Variants in RBBP8NL observed in about 807,000 individuals in gnomAD.
RBBP8NL encodes RBBP8 N-terminal-like protein.
In RBBP8NL, 59 loss-of-function variants were observed where a neutral mutation model predicts 62.2. The ratio of observed to expected loss-of-function variants is 0.95; its 90% CI spans 0.77 to 1.18. RBBP8NL has a LOEUF of 1.18. Ranked by LOEUF, RBBP8NL falls within the 50% of genes most tolerant of loss-of-function variation. The pLI, the probability that RBBP8NL is intolerant of heterozygous loss-of-function variation, is 0.00. For missense variants in RBBP8NL, 896 were observed against 899.5 expected (o/e 1.00, Z 0.05); for synonymous variants, 412 against 394.1 (o/e 1.05, Z -0.54).
intron 5 of RBBP8NL, among the ~76,000 whole-genome samples, chr20:62,416,445 G>C (rs370144062): frequency 5.9e-5 from 9 of 152,318 alleles, no homozygotes; most frequent in African/African-American, 2.2e-4. Context: ...AGGGAAGGGG[G>C]CTTGCCCTTG....
In RBBP8NL at chr20:62,414,239, C is replaced by A; in HGVS notation, c.1112G>T (p.Gly371Val). 1 of 1,598,194 alleles carries A rather than the reference C, an allele frequency of 6.3e-7. No individual in the cohort carries two copies. The highest frequency in any genetic ancestry group is 8.5e-7 in the Non-Finnish European group (1 of 1,173,622). The change falls in exon 10 of 14, where the codon GGC becomes GTC. Residue 371 changes from glycine (G) to valine (V), a missense_variant. Gly to Val is a moderately radical substitution (Grantham distance 109, BLOSUM62 -3). Coordinates refer to ENST00000252998, the MANE Select transcript of RBBP8NL (RefSeq NM_080833.3). Reference sequence around the variant, plus strand: ...GGGCTGGCCCCTTGGCCTGACACTGCCTGCCCTGGCCCTAGCCCGCAGCTG... The same window carrying A: ...GGGCTGGCCCCTTGGCCTGACACTGACTGCCCTGGCCCTAGCCCGCAGCTG... ...QQQLRARARA[G>V]SVRPRGQPTP... is the part of the protein sequence containing the mutation.
intron 10 of RBBP8NL, 75 bp downstream of exon 10, chr20:62,413,746 T>TC (rs1988489583): frequency 6.7e-7 from 1 of 1,496,230 alleles, no homozygotes; most frequent in Non-Finnish European, 8.9e-7. Flanking sequence ...CAGCCCGAGG[T>TC]CTGGGGGGAG....
At position 62,419,717 on chromosome 20, in the gene RBBP8NL, CCT is replaced by C; in HGVS notation, c.-72_-71del. 2 of 1,521,878 alleles carry C rather than the reference CCT, an allele frequency of 1.3e-6. No homozygotes were observed. The allele number at this position is 1,521,878 out of a possible 1,614,324, so 94.3% of individuals were successfully genotyped here. A position where few individuals can be genotyped will look rare whatever the true frequency, so the allele number is the denominator to read the frequency against. ...GGAGACGCCTGCAGCCTCTACTGCC[CCT>C]CTGTGTCCATCCTGAAGAGGAGGAA... On this transcript the variant is annotated 5_prime_UTR_variant, in exon 2 of 14. The change abolishes the stop of an existing upstream ORF in the 5' untranslated region. Coordinates refer to ENST00000252998, the MANE Select transcript of RBBP8NL (RefSeq NM_080833.3).
intron 4 of RBBP8NL, 80 bp from the exon 5 acceptor site, chr20:62,416,952 T>A: frequency 8.9e-7 from 1 of 1,129,780 alleles, no homozygotes; most frequent in Non-Finnish European, 1.3e-6. Flanking sequence ...GCCCCACTGC[T>A]GGGAAGTGCC....
At chr20:62,417,087 G>T in intron 4 of RBBP8NL, 137 bp downstream of exon 4, 1 of 727,280 alleles carries the variant, frequency 1.4e-6, no homozygotes, top group Non-Finnish European at 2.3e-6. Flanking sequence ...GCTCTGAGAT[G>T]TCCTGCAGTG....
In RBBP8NL at chr20:62,416,388, G is replaced by T. The variant is rs8119619; in HGVS notation, c.314-152C>A. 5,351 of 701,768 alleles carry T rather than the reference G, an allele frequency of 7.6e-3. 189 individuals carry two copies. The African/African-American group carries it at 0.082, about 11-fold the overall frequency. The allele number at this position is 701,768 out of a possible 1,614,324, so 43.5% of individuals were successfully genotyped here. ...AGCAGGGGCGCCGTGGATGCTGGCTGCGTGCATGGCTGATTGGATGCTGTT... is the reference window on the plus strand; with the variant it reads ...AGCAGGGGCGCCGTGGATGCTGGCTTCGTGCATGGCTGATTGGATGCTGTT... On this transcript the variant is annotated intron_variant, in intron 5 of 13. Transcript: ENST00000252998.
chr20:62,421,131 G>A (rs1364736878), intron 1 of RBBP8NL, among the ~76,000 whole-genome samples: 2 of 152,276 alleles, frequency 1.3e-5, no homozygotes, highest in African/African-American at 4.8e-5. Context: ...CTGCAAGCCA[G>A]TGTTTGTGGC....
intron 5 of RBBP8NL, among the ~76,000 whole-genome samples, 198 bp from the exon 6 acceptor site, chr20:62,416,434 G>A (rs1037373975): frequency 8.5e-5 from 13 of 152,198 alleles, no homozygotes; most frequent in African/African-American, 2.2e-4. Context: ...TGCCGGCCTC[G>A]AGGGAAGGGG....
chr20:62,413,390 G>A lies in RBBP8NL; in HGVS notation c.1675+11C>T, dbSNP rs772294634. The A allele has an allele frequency of 7.0e-7, 1 of 1,423,750 alleles. No individual in the cohort carries two copies. Among genetic ancestry groups the A allele is most frequent in the Non-Finnish European group, 9.2e-7 (1 of 1,089,716 alleles). The allele number at this position is 1,423,750 out of a possible 1,614,324, so 88.2% of individuals were successfully genotyped here. A position where few individuals can be genotyped will look rare whatever the true frequency, so the allele number is the denominator to read the frequency against. On this transcript the variant is annotated intron_variant, in intron 11 of 13. Coordinates refer to ENST00000252998, the MANE Select transcript of RBBP8NL (RefSeq NM_080833.3). ...TCCCAGCTGGACTCTGACCCCAGGTGCTGACTGTACCTGGGTGGCCGTCCA... is the reference window on the plus strand; with the variant it reads ...TCCCAGCTGGACTCTGACCCCAGGTACTGACTGTACCTGGGTGGCCGTCCA...
chr20:62,422,519 C>CT (rs1258054870), intron 1 of RBBP8NL, among the ~76,000 whole-genome samples: 1 of 51,032 alleles, frequency 2.0e-5, no homozygotes, highest in Non-Finnish European at 3.9e-5. Context: ...CGAGAGAGGC[C>CT]TTGGGACCCC....
chr20:62,422,461 G>C (rs1181300401), intron 1 of RBBP8NL, among the ~76,000 whole-genome samples: 3 of 150,386 alleles, frequency 2.0e-5, no homozygotes, highest in African/African-American at 7.4e-5. Context: ...GGCGTCTTTG[G>C]GGGTGGGGCT....
intron 1 of RBBP8NL, among the ~76,000 whole-genome samples, chr20:62,427,115 G>A (rs930315343): frequency 1.1e-4 from 16 of 152,316 alleles, no homozygotes; most frequent in Admixed American, 3.9e-4. Flanking sequence ...ATGGTGGGGC[G>A]GGACAGGCCC....
chr20:62,410,712 G>A lies in RBBP8NL; in HGVS notation c.*166C>T. ...GCCCTCTCCAGGCTGTGGTGAGCAGGCAGAGAGCTGCCCTGGGCTCACTGT... is the reference window on the plus strand; with the variant it reads ...GCCCTCTCCAGGCTGTGGTGAGCAGACAGAGAGCTGCCCTGGGCTCACTGT... On this transcript the variant is annotated 3_prime_UTR_variant, in exon 14 of 14. Transcript: ENST00000252998. The A allele has an allele frequency of 4.7e-6, 3 of 643,818 alleles. No homozygotes were observed. The highest frequency in any genetic ancestry group is 2.6e-5 in the Admixed American group (1 of 38,818). 39.9% of individuals were successfully genotyped at this position (643,818 alleles called of 1,614,324 possible).
At chr20:62,422,502 T>G (rs796844572) in intron 1 of RBBP8NL, among the ~76,000 whole-genome samples, 140 of 84,688 alleles carry the variant, frequency 1.7e-3, no homozygotes, top group African/African-American at 6.4e-3. Context: ...TGGCAGGCCT[T>G]GGACCCCGAG....
chr20:62,411,395 C>T (rs950425881), intron 13 of RBBP8NL, among the ~76,000 whole-genome samples: 6 of 152,190 alleles, frequency 3.9e-5, no homozygotes, highest in East Asian at 1.9e-4. Flanking sequence ...GGGATCCTGC[C>T]GAGATGCTGG....
chr20:62,412,043 C>T (rs976234041), intron 13 of RBBP8NL, among the ~76,000 whole-genome samples: 8 of 152,242 alleles, frequency 5.3e-5, no homozygotes, highest in African/African-American at 1.2e-4. Context: ...AAAGTTGTCC[C>T]GATACCCTCG....
chr20:62,416,113 G>T, intron 6 of RBBP8NL, 51 bp downstream of exon 6: 1 of 1,555,296 alleles, frequency 6.4e-7, no homozygotes. Flanking sequence ...GTGCTGCTCG[G>T]GGGGTGCTGG....
rs1555892557 is a variant in RBBP8NL, at chr20:62,420,373, C to CAT, written c.-83-644_-83-643insAT. On this transcript the variant is annotated intron_variant, in intron 1 of 13. Transcript: ENST00000252998. ...AGGCACACACACACACACACACACA[C>CAT]ACACACACACACACACACACAGATA... is the stretch of plus-strand genomic sequence containing the variant. 3.8e-4 allele frequency among the ~76,000 whole-genome samples: 57 copies of CAT among 150,280 alleles called. 1 individual carries two copies. The highest frequency in any genetic ancestry group is 1.1e-3 in the Admixed American group (16 of 15,096).
At chr20:62,413,759 C>A (rs539794170) in intron 10 of RBBP8NL, 62 bp downstream of exon 10, 2 of 1,513,222 alleles carry the variant, frequency 1.3e-6, no homozygotes, top group Admixed American at 2.2e-5. Flanking sequence ...GGGGGGAGGC[C>A]GGCCCGGGGT....
Sources: gnomAD v4.1 joint callset for allele counts (sites outside exome capture counted in the v4.1 genomes callset) on GRCh38, gnomAD v4.1.1 for gene constraint, MANE v1.5 for transcripts, NCBI Gene and HGNC (gene_info 2026-07-23, HGNC 2026-07-21) for gene names.